The following ZNF37A variants were observed in gnomAD, a reference collection of about 807,000 sequenced individuals.
The protein encoded by ZNF37A is zinc finger protein 37a (KOX 21).
In ZNF37A, 10 loss-of-function variants were observed where a neutral mutation model predicts 12.3. The ratio of observed to expected loss-of-function variants is 0.82; its 90% confidence interval spans 0.50 to 1.38. ZNF37A has a LOEUF of 1.38. Ranked by LOEUF, ZNF37A falls within the 40% of genes most tolerant of loss-of-function variation. The pLI, the probability that ZNF37A is intolerant of heterozygous loss-of-function variation, is 0.00. For missense variants in ZNF37A, 580 were observed against 651.2 expected (o/e 0.89, Z 1.19); for synonymous variants, 207 against 223.0 (o/e 0.93, Z 0.64).
At chr10:38,099,268 C>T (rs1016796650) in intron 5 of ZNF37A, among the ~76,000 whole-genome samples, 11 of 152,168 alleles carry the variant, frequency 7.2e-5, no homozygotes, top group Admixed American at 6.5e-4. Flanking sequence ...ACCTATTAAA[C>T]AGTAACTCCC....
intron 5 of ZNF37A, among the ~76,000 whole-genome samples, chr10:38,096,840 G>A (rs1164561898): frequency 7.3e-5 from 11 of 151,146 alleles, no homozygotes; most frequent in Non-Finnish European, 1.6e-4. Flanking sequence ...GTGGCTGAGG[G>A]AAAAAAAACA....
downstream of ZNF37A, among the ~76,000 whole-genome samples, chr10:38,127,255 GAC>G (rs1284479867): frequency 1.3e-5 from 2 of 152,240 alleles, no homozygotes; most frequent in African/African-American, 4.8e-5. Flanking sequence ...ACTAGTTTGA[GAC>G]ACTCAAGCCC....
At chr10:38,130,770 C>A (rs1168537409) in intron 7 of ZNF37A, among the ~76,000 whole-genome samples, 1 of 152,252 alleles carries the variant, frequency 6.6e-6, no homozygotes, top group South Asian at 2.1e-4. Flanking sequence ...ATGCCTAGCC[C>A]ACCACGCTAT....
chr10:38,143,445 T>G (rs2070212076), intron 7 of ZNF37A: 1 of 152,210 alleles, frequency 6.6e-6, no homozygotes, highest in South Asian at 2.1e-4. Context: ...TACATGAGGT[T>G]GATTTTGAAG....
Position 38,120,788 on chromosome 10 carries a change from A to T in ZNF37A, c.*1951A>T, listed in dbSNP as rs1263328962. ...AATGGATACATTAGGAGCTTCAAAC[A>T]CATATAATTTCTCAAGAAATTTCCA... On this transcript the variant is annotated 3_prime_UTR_variant, in exon 8 of 8. Coordinates refer to ENST00000685332, the MANE Select transcript of ZNF37A (RefSeq NM_001324250.3). 6.6e-6 allele frequency: 1 copy of T among 152,240 alleles called. No homozygotes were observed. The highest frequency in any genetic ancestry group is 1.9e-4 in the East Asian group (1 of 5,202). The allele number at this position is 152,240 out of a possible 1,614,324, so 9.4% of individuals were successfully genotyped here. A position where few individuals can be genotyped will look rare whatever the true frequency, so the allele number is the denominator to read the frequency against.
rs1313439021 is a variant in ZNF37A at position 38,119,532 on chromosome 10, G to A, written c.*695G>A. On this transcript the variant is annotated 3_prime_UTR_variant, in exon 8 of 8. Transcript: ENST00000685332. ...TAAAATCTAAATTTAATATAGAACA[G>A]AGGTGTTGAGTTGCAGGATATCTAG... The A allele has an allele frequency of 2.3e-6, 1 of 434,182 alleles. No individual in the cohort carries two copies. Among genetic ancestry groups the A allele is most frequent in the Middle Eastern group, 1.2e-3 (1 of 850 alleles). 26.9% of individuals were successfully genotyped at this position (434,182 alleles called of 1,614,324 possible). A position where few individuals can be genotyped will look rare whatever the true frequency, so the allele number is the denominator to read the frequency against.
At chr10:38,126,927 A>C (rs746853978), downstream of ZNF37A, among the ~76,000 whole-genome samples, 20 of 152,204 alleles carry the variant, frequency 1.3e-4, no homozygotes, top group Admixed American at 2.6e-4. Context: ...AAAGAGCTCT[A>C]CCTAATAATG....
At chr10:38,098,474 T>A (rs2135864057) in intron 5 of ZNF37A, among the ~76,000 whole-genome samples, 1 of 152,332 alleles carries the variant, frequency 6.6e-6, no homozygotes, top group East Asian at 1.9e-4. Flanking sequence ...GTTGAGTTTT[T>A]GATAAGTATT....
In ZNF37A at chr10:38,123,975, C is replaced by T. The variant is rs2069859165; in HGVS notation, c.*5138C>T. 2 of 152,308 alleles carry T rather than the reference C, an allele frequency of 1.3e-5. No individual in the cohort carries two copies. The highest frequency in any genetic ancestry group is 2.1e-4 in the South Asian group (1 of 4,822). The allele number at this position is 152,308 out of a possible 1,614,324, so 9.4% of individuals were successfully genotyped here. ...GCTATCATACAATCCCACAATTCCA[C>T]TGGTAGTTATATACCCCAAAGACAG... On this transcript the variant is annotated 3_prime_UTR_variant, in exon 8 of 8. Coordinates refer to ENST00000685332, the MANE Select transcript of ZNF37A (RefSeq NM_001324250.3).
Position 38,117,882 on chromosome 10 carries a change from AATAT to A in ZNF37A, c.733_736del (p.Tyr245MetfsTer11), listed in dbSNP as rs2069403989. 1 of 1,614,030 alleles carries A rather than the reference AATAT, an allele frequency of 6.2e-7. No individual in the cohort carries two copies. Among genetic ancestry groups the A allele is most frequent in the Non-Finnish European group, 8.5e-7 (1 of 1,179,994 alleles). On this transcript the variant is annotated frameshift_variant, in exon 8 of 8. Transcript: ENST00000685332. LOFTEE classifies it low-confidence loss of function (END_TRUNC). The stretch of plus-strand genomic sequence containing the variant: ...ACCCACTCAATTAACAATATTATTG[AATAT>A]AATGAGTGTGGAACATTTTTCAGTG...
chr10:38,117,749 C>G lies in ZNF37A; in HGVS notation c.598C>G (p.His200Asp), dbSNP rs767186962. ...THQQTHPRENHYGNECGENIF... is the reference protein window; with the variant it reads ...THQQTHPRENDYGNECGENIF... ...TCAGCAAACACATCCAAGAGAAAACCACTATGGTAATGAATGTGGAGAAAA... is the reference window on the plus strand; with the variant it reads ...TCAGCAAACACATCCAAGAGAAAACGACTATGGTAATGAATGTGGAGAAAA... The change falls in exon 8 of 8, where the codon CAC becomes GAC. Residue 200 changes from histidine to aspartate, a missense_variant. By Grantham distance (81) the His-to-Asp change is moderately conservative. Transcript: ENST00000685332. 1 of 1,613,930 alleles carries G rather than the reference C, an allele frequency of 6.2e-7. No homozygotes were observed. The highest frequency in any genetic ancestry group is 8.5e-7 in the Non-Finnish European group (1 of 1,179,976).
In ZNF37A at chr10:38,145,828, G is replaced by A. The variant is rs1205650494; in HGVS notation, c.239-904G>A. 3.3e-5 allele frequency among the ~76,000 whole-genome samples: 5 copies of A among 152,330 alleles called. 1 individual carries two copies. The highest frequency in any genetic ancestry group is 3.3e-4 in the Admixed American group (5 of 15,302). On this transcript the variant is annotated intron_variant, in intron 7 of 7. Coordinates refer to the ZNF37A transcript ENST00000638053. Reference sequence around the variant, plus strand: ...CTAAAGACTGTGAGCTGGGCGAGTGGTGGCTTATGCCTCTAATCCCAGCAA... The same window carrying A: ...CTAAAGACTGTGAGCTGGGCGAGTGATGGCTTATGCCTCTAATCCCAGCAA...
intron 5 of ZNF37A, among the ~76,000 whole-genome samples, chr10:38,103,122 T>A (rs1025665554): frequency 6.6e-6 from 1 of 152,148 alleles, no homozygotes; most frequent in African/African-American, 2.4e-5. Context: ...TCTTCAGATA[T>A]TTTTTGGTTC....
chr10:38,129,304 T>TAAAAAAA (rs775705417), downstream of ZNF37A, among the ~76,000 whole-genome samples: 79 of 56,886 alleles, frequency 1.4e-3, 5 homozygotes, highest in African/African-American at 4.7e-3. Flanking sequence ...AGACTCTGTC[T>TAAAAAAA]AAAAAAAAAA....
At position 38,118,481 on chromosome 10, in the gene ZNF37A, T is replaced by C. The variant is rs1374555178; in HGVS notation, c.1330T>C (p.Cys444Arg). Residue 444 changes from cysteine to arginine, a missense_variant, in exon 8 of 8, where the codon TGT becomes CGT. Cys to Arg is a radical substitution (Grantham distance 180). Coordinates refer to ENST00000685332, the MANE Select transcript of ZNF37A (RefSeq NM_001324250.3). ...TGAGAAACCTTATGAATGTATTCAG[T>C]GTGGAAAATTTTTCTGCTACTACTC... is the stretch of plus-strand genomic sequence containing the variant. ...TGEKPYECIQ[C>R]GKFFCYYSGF... 5 of 1,613,910 alleles carry C rather than the reference T, an allele frequency of 3.1e-6. No individual in the cohort carries two copies. Among genetic ancestry groups the C allele is most frequent in the Non-Finnish European group, 4.2e-6 (5 of 1,180,020 alleles).
At chr10:38,132,231 A>G (rs946060181) in intron 7 of ZNF37A, among the ~76,000 whole-genome samples, 8 of 152,112 alleles carry the variant, frequency 5.3e-5, no homozygotes, top group African/African-American at 1.9e-4. Context: ...GGTGTTAGCC[A>G]TGGGTCTTTC....
At chr10:38,146,468 AAATT>A (rs764590325) in intron 7 of ZNF37A, among the ~76,000 whole-genome samples, 98 of 152,242 alleles carry the variant, frequency 6.4e-4, no homozygotes, top group Non-Finnish European at 1.0e-3. Context: ...ACTTAGGGAT[AAATT>A]AATTAAGCCC....
rs1813028 is a variant in ZNF37A at position 38,123,783 on chromosome 10, A to G, written c.*4946A>G. On this transcript the variant is annotated 3_prime_UTR_variant, in exon 8 of 8. Coordinates refer to ENST00000685332, the MANE Select transcript of ZNF37A (RefSeq NM_001324250.3). ...TAGAGAAATGCAAATCAAAACTACAATAAGATATCATCTCACCCCAGTTAA... is the reference window on the plus strand; with the variant it reads ...TAGAGAAATGCAAATCAAAACTACAGTAAGATATCATCTCACCCCAGTTAA... 61,125 of 152,048 alleles carry G rather than the reference A, an allele frequency of 0.4. 12,530 individuals carry two copies. Among genetic ancestry groups the G allele is most frequent in the East Asian group, 0.5 (2,582 of 5,178 alleles). 9.4% of individuals were successfully genotyped at this position (152,048 alleles called of 1,614,324 possible). A position where few individuals can be genotyped will look rare whatever the true frequency, so the allele number is the denominator to read the frequency against.
chr10:38,144,557 G>A (rs1460393289), intron 7 of ZNF37A, among the ~76,000 whole-genome samples: 1 of 152,098 alleles, frequency 6.6e-6, no homozygotes, highest in African/African-American at 2.4e-5. Flanking sequence ...GTCTAATGCT[G>A]TGTCAGCTTC....
Sources: allele counts gnomAD v4.1 joint callset (sites outside exome capture counted in the v4.1 genomes callset), GRCh38; gene constraint gnomAD v4.1.1; transcripts MANE v1.5; gene names NCBI Gene and HGNC (gene_info 2026-07-23, HGNC 2026-07-21).